The following ZDHHC7 variants were observed in gnomAD, a reference collection of about 807,000 sequenced individuals.
ZDHHC7 encodes the protein zDHHC palmitoyltransferase 7, also known as palmitoyltransferase ZDHHC7.
ZDHHC7 carries 12 observed loss-of-function variants against 34.1 expected under a neutral mutation model. That is an observed-to-expected ratio of 0.35 (90% CI 0.23 to 0.57). The LOEUF (loss-of-function observed/expected upper bound fraction) is 0.57. Among genes scored for constraint, ZDHHC7 ranks in the 20% least tolerant of loss-of-function variants. The pLI, the probability that ZDHHC7 is intolerant of heterozygous loss-of-function variation, is 0.84. For synonymous variants in ZDHHC7, 185 were observed against 155.4 expected, an observed-to-expected ratio of 1.19 and a Z score of -1.42; for missense variants, 388 against 402.7, an observed-to-expected ratio of 0.96 and a Z score of 0.31.
chr16:84,982,165 GA>G (rs2072379061), intron 3 of ZDHHC7, 171 bp from the exon 4 acceptor site: 2 of 691,716 alleles, frequency 2.9e-6, no homozygotes, highest in East Asian at 3.5e-5. Context: ...TCAACATGGT[GA>G]AACCCCGTCT....
chr16:85,012,943 G>C (rs185558958), upstream of ZDHHC7, among the ~76,000 whole-genome samples: 1 of 152,096 alleles, frequency 6.6e-6, no homozygotes, highest in East Asian at 1.9e-4. Context: ...ATATATCACC[G>C]CAAAATATGC....
At chr16:85,012,233 A>T (rs867231122), upstream of ZDHHC7, among the ~76,000 whole-genome samples, 1 of 151,878 alleles carries the variant, frequency 6.6e-6, no homozygotes, top group East Asian at 1.9e-4. Flanking sequence ...AAACACATAA[A>T]TTAGCCGGAT....
At chr16:85,002,704 G>A (rs191617584) in intron 1 of ZDHHC7, among the ~76,000 whole-genome samples, 8 of 152,170 alleles carry the variant, frequency 5.3e-5, no homozygotes, top group Admixed American at 3.9e-4. Flanking sequence ...GAATTTTATC[G>A]ATAGGAGAAA....
At chr16:84,986,584 G>C (rs929123850) in intron 3 of ZDHHC7, among the ~76,000 whole-genome samples, 2 of 152,156 alleles carry the variant, frequency 1.3e-5, no homozygotes, top group East Asian at 1.9e-4. Context: ...GCCCTCTCAC[G>C]ATCCCAAAGT....
Position 84,976,107 on chromosome 16 carries a change from C to T in ZDHHC7, c.*236G>A, listed in dbSNP as rs1326770246. 11 of 545,480 alleles carry T rather than the reference C, an allele frequency of 2.0e-5. No individual in the cohort carries two copies. Among genetic ancestry groups the T allele is most frequent in the East Asian group, 1.4e-4 (4 of 29,134 alleles). The allele number at this position is 545,480 out of a possible 1,614,324, so 33.8% of individuals were successfully genotyped here. ...GAAGCCCCAGCTCTGCAGGAGGCCA[C>T]GGCGTTTGGCTTCTTCGTGTGGCCA... On this transcript the variant is annotated 3_prime_UTR_variant, in exon 8 of 8. Coordinates refer to ENST00000313732, the MANE Select transcript of ZDHHC7 (RefSeq NM_017740.3).
At chr16:84,992,633 A>G (rs8058916) in intron 2 of ZDHHC7, among the ~76,000 whole-genome samples, 96,026 of 152,062 alleles carry the variant, frequency 0.63, 32,586 homozygotes, top group African/African-American at 0.88. Flanking sequence ...CTTTGCCATG[A>G]GGAGAAAATA....
At chr16:85,026,431 T>G in the ZDHHC7 span, among the ~76,000 whole-genome samples, 2 of 152,078 alleles carry the variant, frequency 1.3e-5, no homozygotes, top group African/African-American at 4.8e-5. Context: ...CAGCTTCACA[T>G]GCATGGTGGC....
At chr16:85,008,145 A>C (rs1218622819) in intron 1 of ZDHHC7, among the ~76,000 whole-genome samples, 1 of 152,016 alleles carries the variant, frequency 6.6e-6, no homozygotes, top group Non-Finnish European at 1.5e-5. Context: ...ATTTAACCTT[A>C]TTTAATCTTA....
chr16:84,988,850 T>C (rs1204248887), intron 3 of ZDHHC7: 1 of 1,551,776 alleles, frequency 6.4e-7, no homozygotes, highest in Non-Finnish European at 8.7e-7. Flanking sequence ...TGCAGGCAGA[T>C]GGTCGGCAGT....
upstream of ZDHHC7, among the ~76,000 whole-genome samples, chr16:85,014,644 G>C (rs572936887): frequency 6.6e-6 from 1 of 152,128 alleles, no homozygotes; most frequent in Non-Finnish European, 1.5e-5. Context: ...AGTCTCCAGG[G>C]CTTAACTTAC....
At chr16:85,012,811 A>G (rs1169959672), upstream of ZDHHC7, among the ~76,000 whole-genome samples, 1 of 152,162 alleles carries the variant, frequency 6.6e-6, no homozygotes, top group Non-Finnish European at 1.5e-5. Flanking sequence ...AGGCTGAGGC[A>G]GGAGAAACCG....
intron 3 of ZDHHC7, among the ~76,000 whole-genome samples, chr16:84,987,845 A>C (rs965318585): frequency 6.6e-6 from 1 of 152,168 alleles, no homozygotes; most frequent in African/African-American, 2.4e-5. Context: ...CAGGCACAAA[A>C]GGCCACAGAC....
intron 1 of ZDHHC7, among the ~76,000 whole-genome samples, chr16:85,002,608 C>A (rs764483516): frequency 2.6e-4 from 40 of 152,228 alleles, no homozygotes; most frequent in Middle Eastern, 3.4e-3. Context: ...CGAGATGTGC[C>A]CACTCATGTC....
chr16:85,002,002 C>G (rs1316899095), intron 1 of ZDHHC7, among the ~76,000 whole-genome samples: 1 of 152,058 alleles, frequency 6.6e-6, no homozygotes, highest in African/African-American at 2.4e-5. Context: ...TACACACACA[C>G]AATCATGGGG....
chr16:85,009,694 G>C (rs2072762887), intron 1 of ZDHHC7, among the ~76,000 whole-genome samples: 1 of 146,002 alleles, frequency 6.8e-6, no homozygotes, highest in African/African-American at 2.5e-5. Context: ...CTTTAACCAA[G>C]TTCTGACTTT....
At chr16:85,026,942 G>C in the ZDHHC7 span, among the ~76,000 whole-genome samples, 1 of 152,154 alleles carries the variant, frequency 6.6e-6, no homozygotes, top group Non-Finnish European at 1.5e-5. Context: ...CACATTACTA[G>C]GGAGGGGCTG....
chr16:85,021,574 T>C, the ZDHHC7 span, among the ~76,000 whole-genome samples: 5 of 151,572 alleles, frequency 3.3e-5, no homozygotes, highest in African/African-American at 1.2e-4. Flanking sequence ...AAAAAATAGC[T>C]GGGCATGGTG....
chr16:85,008,629 G>C (rs998067936), intron 1 of ZDHHC7, among the ~76,000 whole-genome samples: 1 of 152,092 alleles, frequency 6.6e-6, no homozygotes, highest in South Asian at 2.1e-4. Context: ...ACTCTTCTCA[G>C]ATGTTACAAC....
chr16:85,019,573 C>T, the ZDHHC7 span, among the ~76,000 whole-genome samples: 14 of 152,176 alleles, frequency 9.2e-5, no homozygotes, highest in South Asian at 4.1e-4. Context: ...CAAAAATAGC[C>T]GGGCGTGGTG....
Sources: allele counts gnomAD v4.1 joint callset (sites outside exome capture counted in the v4.1 genomes callset), GRCh38; gene constraint gnomAD v4.1.1; transcripts MANE v1.5; gene names NCBI Gene and HGNC (gene_info 2026-07-23, HGNC 2026-07-21).